ZSCAN25: variants seen among roughly 807,000 people sequenced by gnomAD.
The protein encoded by ZSCAN25 is zinc finger and SCAN domain-containing protein 25.
A neutral mutation model predicts 38.7 loss-of-function variants in ZSCAN25; 27 were observed. That is an observed-to-expected ratio of 0.70 (90% confidence interval 0.51 to 0.96). The LOEUF is 0.96. Ranked by LOEUF, ZSCAN25 falls within the 40% of genes least tolerant of loss-of-function variation. The pLI is 0.00. For missense variants in ZSCAN25, 637 were observed against 705.9 expected (o/e 0.90, Z 1.11); for synonymous variants, 273 against 277.7 (o/e 0.98, Z 0.17).
the ZSCAN25 span, chr7:99,730,941 C>G: frequency 7.4e-7 from 1 of 1,355,318 alleles, no homozygotes; most frequent in Non-Finnish European, 1.0e-6. Flanking sequence ...TGCCTACACG[C>G]TATTTCTGAA....
the ZSCAN25 span, among the ~76,000 whole-genome samples, chr7:99,721,153 A>G: frequency 6.6e-6 from 1 of 152,236 alleles, no homozygotes; most frequent in South Asian, 2.1e-4. Flanking sequence ...TCAGCCCACC[A>G]GGGAACACAA....
chr7:99,631,307 T>G lies in ZSCAN25; in HGVS notation c.*1287T>G, dbSNP rs1452066895. The G allele has an allele frequency of 4.1e-6, 4 of 985,304 alleles. No individual in the cohort carries two copies. The African/African-American group carries it at 7.0e-5, about 17-fold the overall frequency. The allele number at this position is 985,304 out of a possible 1,614,324, so 61.0% of individuals were successfully genotyped here. ...GGATGATGAGCTGGTAGCGACCTGT[T>G]TTGCATGAGTGCCAAGTCAGGAAAA... On this transcript the variant is annotated 3_prime_UTR_variant, in exon 8 of 8. Transcript: ENST00000394152.
chr7:99,630,500 G>T lies in ZSCAN25; in HGVS notation c.*480G>T. 1.0e-6 allele frequency: 1 copy of T among 996,260 alleles called. No individual in the cohort carries two copies. The allele number at this position is 996,260 out of a possible 1,614,324, so 61.7% of individuals were successfully genotyped here. A position where few individuals can be genotyped will look rare whatever the true frequency, so the allele number is the denominator to read the frequency against. On this transcript the variant is annotated 3_prime_UTR_variant, in exon 8 of 8. Coordinates refer to ENST00000394152, the MANE Select transcript of ZSCAN25 (RefSeq NM_145115.3). ...GCCGTGGGAATGCCGTGGTGAATGA[G>T]AGACTAGACGTGATGCCTCTGGGGG...
chr7:99,708,892 G>T, the ZSCAN25 span: 1 of 977,156 alleles, frequency 1.0e-6, no homozygotes, highest in Admixed American at 2.3e-5. Flanking sequence ...GTGTGACAAT[G>T]ATCAATTTCA....
the ZSCAN25 span, among the ~76,000 whole-genome samples, chr7:99,683,752 GCTGTTT>G: frequency 6.6e-6 from 1 of 152,048 alleles, no homozygotes. Flanking sequence ...CACAGGCCGG[GCTGTTT>G]CTCCACGTGA....
the ZSCAN25 span, chr7:99,714,735 T>G: frequency 6.3e-7 from 1 of 1,593,992 alleles, no homozygotes; most frequent in Non-Finnish European, 8.5e-7. Flanking sequence ...CATACAAAAT[T>G]TACCTGGAGC....
chr7:99,719,260 T>C, the ZSCAN25 span, among the ~76,000 whole-genome samples: 2 of 152,198 alleles, frequency 1.3e-5, no homozygotes, highest in Non-Finnish European at 2.9e-5. Flanking sequence ...AGAGTTACTG[T>C]ACAGGTATTA....
chr7:99,663,105 C>T, the ZSCAN25 span: 1 of 1,251,696 alleles, frequency 8.0e-7, no homozygotes, highest in Non-Finnish European at 1.0e-6. Context: ...TGTCCAATTG[C>T]TTTTTCGCCT....
At chr7:99,708,055 G>A in the ZSCAN25 span, 1 of 1,594,080 alleles carries the variant, frequency 6.3e-7, no homozygotes, top group Admixed American at 1.7e-5. Context: ...CTTACTTAGG[G>A]CCCACCCCTC....
the ZSCAN25 span, among the ~76,000 whole-genome samples, chr7:99,686,754 C>T: frequency 6.6e-6 from 1 of 151,718 alleles, no homozygotes; most frequent in South Asian, 2.1e-4. Flanking sequence ...GGAGGCACCC[C>T]CCCCCCAGTA....
Position 99,631,911 on chromosome 7 carries a change from A to G in ZSCAN25, c.*1891A>G, listed in dbSNP as rs553933933. 2.1e-5 allele frequency: 21 copies of G among 985,470 alleles called. No individual in the cohort carries two copies. In the African/African-American group the frequency reaches 3.3e-4, roughly 16 times the overall value. 61.0% of individuals were successfully genotyped at this position (985,470 alleles called of 1,614,324 possible). A position where few individuals can be genotyped will look rare whatever the true frequency, so the allele number is the denominator to read the frequency against. On this transcript the variant is annotated 3_prime_UTR_variant, in exon 8 of 8. Coordinates refer to ENST00000394152, the MANE Select transcript of ZSCAN25 (RefSeq NM_145115.3). Reference sequence around the variant, plus strand: ...AATCAGCTTTTTTTCCCCCGTAATTATCAGAGCAGCTAGGCAGGGCTGACA... The same window carrying G: ...AATCAGCTTTTTTTCCCCCGTAATTGTCAGAGCAGCTAGGCAGGGCTGACA...
the ZSCAN25 span, chr7:99,695,941 G>A: frequency 1.1e-6 from 1 of 910,918 alleles, no homozygotes. Context: ...AGAGAAGGAG[G>A]TAACATTAAG....
In ZSCAN25 at chr7:99,624,196, C is replaced by T; in HGVS notation, c.805+16C>T. 1 of 1,613,172 alleles carries T rather than the reference C, an allele frequency of 6.2e-7. No homozygotes were observed. The highest frequency in any genetic ancestry group is 8.5e-7 in the Non-Finnish European group (1 of 1,179,854). On this transcript the variant is annotated intron_variant, in intron 7 of 7. Transcript: ENST00000394152. ...GTCTCTCCAGGTAAGACTGTCTCCACCCACAGGTGAGGAACTGGGGAGTTC... is the reference window on the plus strand; with the variant it reads ...GTCTCTCCAGGTAAGACTGTCTCCATCCACAGGTGAGGAACTGGGGAGTTC...
At chr7:99,686,824 C>T in the ZSCAN25 span, among the ~76,000 whole-genome samples, 3 of 152,056 alleles carry the variant, frequency 2.0e-5, no homozygotes, top group East Asian at 1.9e-4. Flanking sequence ...TCCAGAGGAA[C>T]GATCAGGCAG....
chr7:99,724,093 T>C, the ZSCAN25 span, among the ~76,000 whole-genome samples: 115,811 of 151,964 alleles, frequency 0.76, 47,098 homozygotes, highest in Non-Finnish European at 0.91. Context: ...AAGTACCATC[T>C]CCCCTCTCTC....
At chr7:99,713,636 C>T in the ZSCAN25 span, 1 of 1,521,402 alleles carries the variant, frequency 6.6e-7, no homozygotes, top group Non-Finnish European at 9.0e-7. Context: ...AATATAGCCC[C>T]TTGGAGACCA....
At chr7:99,625,724 TC>T (rs957452633) in intron 7 of ZSCAN25, among the ~76,000 whole-genome samples, 6 of 152,060 alleles carry the variant, frequency 3.9e-5, no homozygotes, top group African/African-American at 1.2e-4. Flanking sequence ...GAGGAGCCCC[TC>T]GCCCCCATTC....
the ZSCAN25 span, among the ~76,000 whole-genome samples, chr7:99,707,363 A>G: frequency 6.6e-6 from 1 of 152,242 alleles, no homozygotes. Flanking sequence ...TGTTCCAGGC[A>G]TCATGAATTT....
chr7:99,686,750 ACC>A, the ZSCAN25 span, among the ~76,000 whole-genome samples: 2 of 133,364 alleles, frequency 1.5e-5, no homozygotes, highest in South Asian at 5.0e-4. Flanking sequence ...ACTGGGAGGC[ACC>A]CCCCCCCCAG....
Sources: gnomAD v4.1 joint callset for allele counts (sites outside exome capture counted in the v4.1 genomes callset) on GRCh38, gnomAD v4.1.1 for gene constraint, MANE v1.5 for transcripts, NCBI Gene and HGNC (gene_info 2026-07-23, HGNC 2026-07-21) for gene names.